Variants in MED13 observed in about 807,000 individuals in gnomAD.
MED13 encodes the protein mediator complex subunit 13.
A neutral mutation model predicts 225.2 loss-of-function variants in MED13; 23 were observed. The observed-to-expected ratio is 0.10, with a 90% CI of 0.07 to 0.14. The LOEUF (loss-of-function observed/expected upper bound fraction) is 0.14, where lower values mean the gene tolerates loss of function less well. Ranked by LOEUF, MED13 falls within the 10% of genes least tolerant of loss-of-function variation. The pLI is 1.00. For missense variants in MED13, 2,197 were observed against 2,594.5 expected (o/e 0.85, Z 3.33); for synonymous variants, 942 against 889.2 (o/e 1.06, Z -1.06).
Position 62,020,409 on chromosome 17 carries a change from G to A in MED13, c.1283+9132C>T, listed in dbSNP as rs932273122. ...TATTTTTCTTTTTTTAGACAGTCTC[G>A]CTCTTTTGCCAGGCTGGAGTGCAGT... On this transcript the variant is annotated intron_variant, in intron 8 of 29. Coordinates refer to ENST00000397786, the MANE Select transcript of MED13 (RefSeq NM_005121.3). Among the ~76,000 whole-genome samples, 29 of 151,674 alleles carry A rather than the reference G, an allele frequency of 1.9e-4. No individual in the cohort carries two copies. In the East Asian group the frequency reaches 2.7e-3, roughly 14 times the overall value.
rs776069700 is a variant in MED13, at chr17:62,048,043, C to CATATACATATACATAT, written c.470+4493_470+4494insATATGTATATGTATAT. Reference sequence around the variant, plus strand: ...ATATATACATATACATATACATATACATATATATATATATATATATGTATA... The same window carrying CATATACATATACATAT: ...ATATATACATATACATATACATATACATATACATATACATATATATATATATATATATATATGTATA... On this transcript the variant is annotated intron_variant, in intron 3 of 29. Transcript: ENST00000397786. 3.3e-3 allele frequency among the ~76,000 whole-genome samples: 434 copies of CATATACATATACATAT among 131,114 alleles called. 4 individuals are homozygous for CATATACATATACATAT. The highest frequency in any genetic ancestry group is 0.011 in the African/African-American group (398 of 35,802). The allele number at this position is 131,114 out of a possible 152,430, so 86.0% of individuals were successfully genotyped here.
intron 26 of MED13, among the ~76,000 whole-genome samples, chr17:61,954,231 T>C (rs1183438886): frequency 2.0e-5 from 3 of 152,224 alleles, no homozygotes; most frequent in Admixed American, 6.5e-5. Context: ...ACCATACTTG[T>C]GACTTTAGAG....
At chr17:62,048,260 C>A (rs946216192) in intron 3 of MED13, among the ~76,000 whole-genome samples, 1 of 150,064 alleles carries the variant, frequency 6.7e-6, no homozygotes, top group Non-Finnish European at 1.5e-5. Context: ...CAAAAATTAG[C>A]CAGTCGTGGT....
intron 8 of MED13, among the ~76,000 whole-genome samples, chr17:62,019,910 A>G (rs1243879681): frequency 1.3e-5 from 2 of 151,436 alleles, no homozygotes; most frequent in Non-Finnish European, 2.9e-5. Flanking sequence ...AGCCTGGCTA[A>G]TTTTTTTGTA....
chr17:62,059,904 T>C (rs1037369738), intron 2 of MED13, among the ~76,000 whole-genome samples: 2 of 152,176 alleles, frequency 1.3e-5, no homozygotes, highest in African/African-American at 4.8e-5. Flanking sequence ...ACTAAAACAG[T>C]ACAGGACAAG....
rs369458509 is a variant in MED13 at position 61,984,364 on chromosome 17, A to G, written c.2695T>C (p.Phe899Leu). 9.7e-6 allele frequency: 15 copies of G among 1,553,032 alleles called. No homozygotes were observed. The highest frequency in any genetic ancestry group is 1.3e-5 in the Non-Finnish European group (15 of 1,156,636). The change falls in exon 15 of 30, where the codon TTT becomes CTT. Residue 899 changes from phenylalanine (F) to leucine (L), a missense_variant. By Grantham distance (22) the Phe-to-Leu change is conservative (BLOSUM62 0). Transcript: ENST00000397786. ...TTTTCAGGCTTATAGACATAAGAAA[A>G]ATCCTACAATATAAAGATGGTAGGT... ...CSPKPSEIKD[F>L]SYVYKPENCQ...
chr17:62,050,327 C>T (rs2080944889), intron 3 of MED13, among the ~76,000 whole-genome samples: 1 of 150,652 alleles, frequency 6.6e-6, no homozygotes, highest in African/African-American at 2.4e-5. Context: ...CATTGCGCTC[C>T]AGCCTGGGCA....
intron 9 of MED13, among the ~76,000 whole-genome samples, chr17:62,009,316 C>T (rs562641122): frequency 5.6e-4 from 85 of 152,156 alleles, no homozygotes; most frequent in African/African-American, 2.0e-3. Context: ...AGGCAAACCA[C>T]CAATGGAGGA....
At chr17:61,998,719 C>T (rs2080367624) in intron 9 of MED13, among the ~76,000 whole-genome samples, 1 of 151,310 alleles carries the variant, frequency 6.6e-6, no homozygotes, top group African/African-American at 2.4e-5. Context: ...CCCTCTTCGG[C>T]CTCCTGAGTA....
intron 8 of MED13, among the ~76,000 whole-genome samples, chr17:62,022,455 T>C (rs2080658620): frequency 6.6e-6 from 1 of 151,928 alleles, no homozygotes; most frequent in African/African-American, 2.4e-5. Flanking sequence ...TTCCATTCAG[T>C]GGAATATTAA....
intron 28 of MED13, among the ~76,000 whole-genome samples, chr17:61,947,279 T>C (rs1042013776): frequency 3.3e-5 from 5 of 151,806 alleles, no homozygotes; most frequent in African/African-American, 1.2e-4. Flanking sequence ...ACAATCCTCC[T>C]GCCTTGGCCT....
intron 11 of MED13, among the ~76,000 whole-genome samples, chr17:61,988,516 C>A (rs2080267443): frequency 6.6e-6 from 1 of 152,092 alleles, no homozygotes; most frequent in Admixed American, 6.5e-5. Context: ...TAGAGTTGTG[C>A]CTTTGAAATT....
At chr17:62,062,989 T>A in intron 2 of MED13, 78 bp downstream of exon 2, 1 of 1,106,708 alleles carries the variant, frequency 9.0e-7, no homozygotes, top group Non-Finnish European at 1.3e-6. Flanking sequence ...ACAAACTTAA[T>A]TTGTAATACA....
At chr17:62,044,324 C>CA (rs921419560) in intron 3 of MED13, among the ~76,000 whole-genome samples, 1 of 151,786 alleles carries the variant, frequency 6.6e-6, no homozygotes, top group Non-Finnish European at 1.5e-5. Flanking sequence ...CAATACCACC[C>CA]AAAAAAATAA....
At chr17:62,033,590 T>C (rs987335509) in intron 5 of MED13, among the ~76,000 whole-genome samples, 197 bp downstream of exon 5, 2 of 152,190 alleles carry the variant, frequency 1.3e-5, no homozygotes, top group Admixed American at 1.3e-4. Flanking sequence ...TCATTTAACC[T>C]AGGTTACAGA....
At chr17:62,029,489 T>C (rs1240215885) in intron 8 of MED13, 52 bp downstream of exon 8, 1 of 1,348,140 alleles carries the variant, frequency 7.4e-7, no homozygotes, top group East Asian at 2.3e-5. Context: ...AAGCATTCAG[T>C]GGCGTAACAA....
At chr17:61,963,761 CAT>C (rs1459354028) in intron 20 of MED13, among the ~76,000 whole-genome samples, 3 of 152,152 alleles carry the variant, frequency 2.0e-5, no homozygotes, top group Non-Finnish European at 4.4e-5. Context: ...TTTTTACCCA[CAT>C]ATGAGTATAA....
At chr17:61,988,404 C>T (rs1350577741) in intron 11 of MED13, among the ~76,000 whole-genome samples, 1 of 152,164 alleles carries the variant, frequency 6.6e-6, no homozygotes, top group African/African-American at 2.4e-5. Flanking sequence ...TGATACATAA[C>T]CTTCCAAATC....
chr17:62,021,421 A>AC (rs1263038920), intron 8 of MED13, among the ~76,000 whole-genome samples: 3 of 136,614 alleles, frequency 2.2e-5, no homozygotes, highest in East Asian at 2.2e-4. Context: ...CAGGGGGCTG[A>AC]CCCCCCCACC....
Sources: gnomAD v4.1 joint callset for allele counts (sites outside exome capture counted in the v4.1 genomes callset) on GRCh38, gnomAD v4.1.1 for gene constraint, MANE v1.5 for transcripts, NCBI Gene and HGNC (gene_info 2026-07-23, HGNC 2026-07-21) for gene names.